The following NAF1 variants were observed in gnomAD, a reference collection of about 807,000 sequenced individuals.
The protein encoded by NAF1 is H/ACA ribonucleoprotein complex non-core subunit NAF1.
A neutral mutation model predicts 40.6 loss-of-function variants in NAF1; 11 were observed. The ratio of observed to expected loss-of-function variants is 0.27; its 90% CI spans 0.17 to 0.45. The LOEUF (loss-of-function observed/expected upper bound fraction) is 0.45, where lower values mean the gene tolerates loss of function less well. NAF1 is among the 20% of genes least tolerant of loss of function. The probability of loss-of-function intolerance (pLI) is 1.00; values close to 1 mark genes in which losing one functional copy is unlikely to be tolerated. For synonymous variants in NAF1, 260 were observed against 228.5 expected (o/e 1.14, Z -1.24); for missense variants, 607 against 611.1 (o/e 0.99, Z 0.07).
chr4:163,152,469 A>G (rs931621411), intron 2 of NAF1, among the ~76,000 whole-genome samples: 1 of 152,216 alleles, frequency 6.6e-6, no homozygotes, highest in Non-Finnish European at 1.5e-5. Flanking sequence ...TTGGTCAAAA[A>G]CAGTGTCTGG....
intron 2 of NAF1, among the ~76,000 whole-genome samples, chr4:163,114,910 T>C (rs1289959587): frequency 2.6e-5 from 4 of 152,192 alleles, no homozygotes; most frequent in Admixed American, 1.3e-4. Flanking sequence ...AGAGGACTAC[T>C]CTGATAATTT....
downstream of NAF1, among the ~76,000 whole-genome samples, chr4:163,107,624 A>G (rs1730070531): frequency 1.3e-5 from 2 of 152,242 alleles, no homozygotes; most frequent in South Asian, 4.1e-4. Flanking sequence ...ACTATTTTAA[A>G]AAAATGGTTC....
chr4:163,110,288 G>T, exon 3 of NAF1: 1 of 701,086 alleles, frequency 1.4e-6, no homozygotes, highest in Non-Finnish European at 2.6e-6. Context: ...AGTCAACCAT[G>T]GTCTGAAAAT....
At chr4:163,107,749 G>A (rs1334041039), downstream of NAF1, among the ~76,000 whole-genome samples, 1 of 151,906 alleles carries the variant, frequency 6.6e-6, no homozygotes, top group African/African-American at 2.4e-5. Flanking sequence ...AGCTTTTTTG[G>A]TTATCCCCTC....
chr4:163,140,265 A>G lies in NAF1; in HGVS notation c.836T>C (p.Met279Thr). ...GAATATATATTGAGTGAAATCTTTC[A>G]TTGATGGAGCAAAATACATAGTCTC... ...IKETMYFAPS[M>T]KDFTQYIFTE... Residue 279 changes from methionine (M) to threonine (T), a missense_variant, in exon 5 of 8, where the codon ATG becomes ACG. Physicochemically the swap from Met to Thr is moderately conservative, Grantham distance 81. Coordinates refer to ENST00000274054, the MANE Select transcript of NAF1 (RefSeq NM_138386.3). 7.5e-6 allele frequency: 12 copies of G among 1,606,860 alleles called. No homozygotes were observed. Among genetic ancestry groups the G allele is most frequent in the Non-Finnish European group, 1.0e-5 (12 of 1,177,460 alleles).
chr4:163,147,041 T>C (rs188225845), intron 3 of NAF1, among the ~76,000 whole-genome samples: 229 of 151,442 alleles, frequency 1.5e-3, no homozygotes, highest in African/African-American at 5.0e-3. Flanking sequence ...ATCAAGAAAT[T>C]AGTTGCCTGT....
At chr4:163,145,210 C>T (rs1192548393) in intron 4 of NAF1, among the ~76,000 whole-genome samples, 1 of 152,154 alleles carries the variant, frequency 6.6e-6, no homozygotes, top group Non-Finnish European at 1.5e-5. Context: ...AGGGTTGTTC[C>T]ATTAGAAAGA....
intron 2 of NAF1, among the ~76,000 whole-genome samples, chr4:163,115,476 G>A (rs902643218): frequency 2.0e-5 from 3 of 152,202 alleles, no homozygotes; most frequent in Admixed American, 1.3e-4. Flanking sequence ...GATTACAGGC[G>A]TGAGCCACCA....
chr4:163,166,722 C>T lies in NAF1; in HGVS notation c.6G>A (p.Glu2=). The T allele has an allele frequency of 1.2e-6, 2 of 1,613,428 alleles. No homozygotes were observed. Among genetic ancestry groups the T allele is most frequent in the Non-Finnish European group, 1.7e-6 (2 of 1,179,948 alleles). Residue 2 remains glutamate, a synonymous_variant, in exon 1 of 8, where the codon GAG becomes GAA. Coordinates refer to ENST00000274054, the MANE Select transcript of NAF1 (RefSeq NM_138386.3). ...GCTGAGCGGCGGCGGCCTCCACTACCTCCATCGCACCGCGCCAGAAACCGG... is the reference window on the plus strand; with the variant it reads ...GCTGAGCGGCGGCGGCCTCCACTACTTCCATCGCACCGCGCCAGAAACCGG... M[E]VVEAAAAQLE...
Position 163,129,176 on chromosome 4 carries a change from T to C in NAF1, c.1206A>G (p.Val402=). Residue 402 remains valine (V), a synonymous_variant, in exon 8 of 8, where the codon GTA becomes GTG. Transcript: ENST00000274054. ...PQHFYNSEHM[V]SQETSGFPSQ... ...AAGGAAATCCTGAAGTCTCCTGAGA[T>C]ACCATATGTTCTGAGTTATAGAAAT... 11 of 1,613,966 alleles carry C rather than the reference T, an allele frequency of 6.8e-6. No individual in the cohort carries two copies. The highest frequency in any genetic ancestry group is 9.3e-6 in the Non-Finnish European group (11 of 1,179,830).
At chr4:163,133,723 A>G (rs1730955763) in intron 6 of NAF1, 1 of 153,820 alleles carries the variant, frequency 6.5e-6, no homozygotes, top group Non-Finnish European at 1.4e-5. Context: ...ATATAATTTT[A>G]GGTACAGAGC....
intron 2 of NAF1, among the ~76,000 whole-genome samples, chr4:163,112,315 T>A (rs1393088868): frequency 1.3e-5 from 2 of 151,884 alleles, no homozygotes; most frequent in Non-Finnish European, 2.9e-5. Flanking sequence ...AAAAAGTAGG[T>A]TGGTAGGTGA....
chr4:163,166,837 G>C lies in NAF1; in HGVS notation c.-110C>G. The C allele has an allele frequency of 1.4e-6, 2 of 1,420,428 alleles. No individual in the cohort carries two copies. The highest frequency in any genetic ancestry group is 2.5e-5 in the East Asian group (1 of 40,486). 88.0% of individuals were successfully genotyped at this position (1,420,428 alleles called of 1,614,324 possible). On this transcript the variant is annotated 5_prime_UTR_variant, in exon 1 of 8. Transcript: ENST00000274054. ...TAGGCAACCGCAGCAACACTGCCTGGGCCCAACTTCCCGCGTTTCTCAGGT... is the reference window on the plus strand; with the variant it reads ...TAGGCAACCGCAGCAACACTGCCTGCGCCCAACTTCCCGCGTTTCTCAGGT...
chr4:163,124,683 AGG>A (rs1730604628), downstream of NAF1, among the ~76,000 whole-genome samples: 3 of 152,222 alleles, frequency 2.0e-5, no homozygotes, highest in South Asian at 6.2e-4. Flanking sequence ...TTGTATAGAG[AGG>A]AAGGCAACCA....
rs546256546 is a variant in NAF1, at chr4:163,128,833, G to GA, written c.*63dup. On this transcript the variant is annotated 3_prime_UTR_variant, in exon 8 of 8. Transcript: ENST00000274054. ...AAAATCTAGCTCCATAATCACTCTT[G>GA]AAAAAAAAAAATCCTTACCACATAA... 0.014 allele frequency: 15,705 copies of GA among 1,095,334 alleles called. 2 individuals carry two copies. Among genetic ancestry groups the GA allele is most frequent in the South Asian group, 0.025 (1,227 of 49,626 alleles). The allele number at this position is 1,095,334 out of a possible 1,614,324, so 67.9% of individuals were successfully genotyped here. A position where few individuals can be genotyped will look rare whatever the true frequency, so the allele number is the denominator to read the frequency against.
chr4:163,155,054 G>A (rs1005261002), intron 2 of NAF1, among the ~76,000 whole-genome samples: 1 of 152,130 alleles, frequency 6.6e-6, no homozygotes, highest in Non-Finnish European at 1.5e-5. Flanking sequence ...TACAAAAAGC[G>A]ATTTCCTTTG....
rs780245066 is a variant in NAF1, at chr4:163,140,378, G to A, written c.723C>T (p.Phe241=). Residue 241 remains phenylalanine, a synonymous_variant, in exon 5 of 8, where the codon TTC becomes TTT. Transcript: ENST00000274054. ...KSDRQAAGKI[F]EIFGPVAHPF... is the part of the protein sequence containing the mutation. ...GATGTGCAACAGGTCCAAATATCTC[G>A]AATATCTGTAATAGAAACATAAAGG... 8.8e-6 allele frequency: 14 copies of A among 1,599,858 alleles called. No homozygotes were observed. Among genetic ancestry groups the A allele is most frequent in the African/African-American group, 5.4e-5 (4 of 74,044 alleles).
intron 2 of NAF1, among the ~76,000 whole-genome samples, chr4:163,156,488 A>G (rs912244387): frequency 1.1e-4 from 17 of 151,822 alleles, no homozygotes; most frequent in Admixed American, 7.2e-4. Context: ...TTAGATACAA[A>G]TTTAAATTTA....
chr4:163,157,120 A>G (rs1732017806), intron 2 of NAF1: 1 of 152,126 alleles, frequency 6.6e-6, no homozygotes, highest in Non-Finnish European at 1.5e-5. Flanking sequence ...AAAATTCAAC[A>G]TACTAAAGAA....
Sources: allele counts gnomAD v4.1 joint callset (sites outside exome capture counted in the v4.1 genomes callset), GRCh38; gene constraint gnomAD v4.1.1; transcripts MANE v1.5; gene names NCBI Gene and HGNC (gene_info 2026-07-23, HGNC 2026-07-21).